Variants in GABRB3 observed in about 807,000 individuals in gnomAD.
The protein encoded by GABRB3 is gamma-aminobutyric acid type A receptor subunit beta3.
In GABRB3, 14 loss-of-function variants were observed where a neutral mutation model predicts 52.1. The observed-to-expected ratio is 0.27, with a 90% CI of 0.18 to 0.42. GABRB3 has a LOEUF of 0.42. Ranked by LOEUF, GABRB3 falls within the 10% of genes least tolerant of loss-of-function variation. The pLI is 1.00. For missense variants in GABRB3, 307 were observed against 609.1 expected (o/e 0.50, Z 5.22); for synonymous variants, 260 against 232.3 (o/e 1.12, Z -1.08).
intron 3 of GABRB3, among the ~76,000 whole-genome samples, chr15:26,749,563 T>A (rs1219514048): frequency 6.6e-6 from 1 of 152,198 alleles, no homozygotes. Context: ...TTGGTTCTTC[T>A]GTATGTTGGG....
rs142254265 is a variant in GABRB3 at position 26,752,673 on chromosome 15, G to A, written c.240+19729C>T. On this transcript the variant is annotated intron_variant, in intron 3 of 8. Coordinates refer to ENST00000311550, the MANE Select transcript of GABRB3 (RefSeq NM_000814.6). ...TTGATGTGTCTACACGTTGTGGAAT[G>A]GTATAATCAAGCGAATGAATATATC... Among the ~76,000 whole-genome samples the A allele has an allele frequency of 6.2e-3, 950 of 152,172 alleles. 10 individuals are homozygous for A. Among genetic ancestry groups the A allele is most frequent in the African/African-American group, 0.021 (861 of 41,532 alleles).
At chr15:26,641,952 C>A (rs11638494) in intron 3 of GABRB3, among the ~76,000 whole-genome samples, 43,518 of 151,458 alleles carry the variant, frequency 0.29, 7,394 homozygotes, top group Middle Eastern at 0.44. Flanking sequence ...TGCAGTGACT[C>A]GATCATAGCT....
At chr15:26,594,225 T>C (rs1216782337) in intron 4 of GABRB3, among the ~76,000 whole-genome samples, 1 of 151,776 alleles carries the variant, frequency 6.6e-6, no homozygotes, top group East Asian at 2.0e-4. Context: ...GCCAATTTAT[T>C]TTGTTCCTTT....
intron 3 of GABRB3, among the ~76,000 whole-genome samples, chr15:26,730,005 T>C (rs1341630275): frequency 6.6e-6 from 1 of 152,218 alleles, no homozygotes; most frequent in Non-Finnish European, 1.5e-5. Flanking sequence ...AAATGAATGC[T>C]GAACTCATAA....
chr15:26,628,733 C>T (rs1255149358), intron 3 of GABRB3, among the ~76,000 whole-genome samples: 1 of 152,158 alleles, frequency 6.6e-6, no homozygotes, highest in African/African-American at 2.4e-5. Context: ...ACCAGCGCCA[C>T]AGGGCTAGGC....
In GABRB3 at chr15:26,602,568, T is replaced by A. The variant is rs1266867248; in HGVS notation, c.461+18746A>T. ...CTGAAATAATACCAAGCATCTTCTG[T>A]GACCACAACAGAATAAAACTACGAA... is the stretch of plus-strand genomic sequence containing the variant. On this transcript the variant is annotated intron_variant, in intron 4 of 8. Transcript: ENST00000311550. Among the ~76,000 whole-genome samples the A allele has an allele frequency of 4.6e-5, 7 of 152,076 alleles. 1 individual carries two copies. The highest frequency in any genetic ancestry group is 7.4e-5 in the Non-Finnish European group (5 of 67,960).
chr15:26,547,722 A>G lies in GABRB3; in HGVS notation c.*71T>C. ...TGTGTGTCTGTGTGTGTACAGGTAT[A>G]AAAACTTGACAGGCAGAGTAATATT... On this transcript the variant is annotated 3_prime_UTR_variant, in exon 9 of 9. Transcript: ENST00000311550. The G allele has an allele frequency of 7.9e-7, 1 of 1,268,378 alleles. No individual in the cohort carries two copies. The highest frequency in any genetic ancestry group is 1.1e-6 in the Non-Finnish European group (1 of 871,146). The allele number at this position is 1,268,378 out of a possible 1,614,324, so 78.6% of individuals were successfully genotyped here. A position where few individuals can be genotyped will look rare whatever the true frequency, so the allele number is the denominator to read the frequency against.
rs867679278 is a variant in GABRB3 at position 26,772,887 on chromosome 15, G to T, written c.76C>A (p.Gln26Lys). The T allele has an allele frequency of 6.7e-7, 1 of 1,485,996 alleles. No homozygotes were observed. The highest frequency in any genetic ancestry group is 2.9e-5 in the East Asian group (1 of 33,988). 92.1% of individuals were successfully genotyped at this position (1,485,996 alleles called of 1,614,324 possible). ...PVLVAVVCCA[Q>K]SVNDPGNMSF... ...CCGGCCCACCCGCGACCCTACCTCTGGGCGCAGCACACCACAGCCACCAGC... is the reference window on the plus strand; with the variant it reads ...CCGGCCCACCCGCGACCCTACCTCTTGGCGCAGCACACCACAGCCACCAGC... The change falls in exon 1 of 9, where the codon CAG becomes AAG. Residue 26 changes from glutamine (Q) to lysine (K), a missense_variant. Physicochemically the swap from Gln to Lys is moderately conservative, Grantham distance 53. Transcript: ENST00000311550.
intron 3 of GABRB3, among the ~76,000 whole-genome samples, chr15:26,693,705 G>GAGAC (rs1555376773): frequency 6.6e-6 from 1 of 152,036 alleles, no homozygotes; most frequent in African/African-American, 2.4e-5. Flanking sequence ...GAGAGAGAGA[G>GAGAC]AGATAGATAC....
At chr15:26,655,181 T>C (rs1224323038) in intron 3 of GABRB3, among the ~76,000 whole-genome samples, 1 of 152,212 alleles carries the variant, frequency 6.6e-6, no homozygotes, top group Non-Finnish European at 1.5e-5. Context: ...GAGATCATGC[T>C]TATATTGAAT....
At chr15:26,759,655 G>GCACT (rs1330089118) in intron 3 of GABRB3, among the ~76,000 whole-genome samples, 1 of 152,222 alleles carries the variant, frequency 6.6e-6, no homozygotes. Flanking sequence ...GCCGAGTGCA[G>GCACT]CACTGCAGAC....
chr15:26,756,149 G>T (rs1373270161), intron 3 of GABRB3, among the ~76,000 whole-genome samples: 1 of 152,018 alleles, frequency 6.6e-6, no homozygotes, highest in Non-Finnish European at 1.5e-5. Flanking sequence ...TTTTCTTCAT[G>T]ACAACTTTTT....
Position 26,732,689 on chromosome 15 carries a change from C to T in GABRB3, c.240+39713G>A, listed in dbSNP as rs138942635. Among the ~76,000 whole-genome samples the T allele has an allele frequency of 5.8e-3, 884 of 152,028 alleles. 5 individuals carry two copies. Among genetic ancestry groups the T allele is most frequent in the Non-Finnish European group, 9.7e-3 (662 of 67,956 alleles). ...TACAAGCAATTCCCCTGCCTCAGCC[C>T]GCTGAGTAGCTGGGATAACAGGCAC... is the stretch of plus-strand genomic sequence containing the variant. On this transcript the variant is annotated intron_variant, in intron 3 of 8. Transcript: ENST00000311550.
At chr15:26,709,515 CTTTTTT>C (rs57044167) in intron 3 of GABRB3, among the ~76,000 whole-genome samples, 1 of 92,002 alleles carries the variant, frequency 1.1e-5, no homozygotes, top group Non-Finnish European at 2.1e-5. Context: ...TTTTTTCTTT[CTTTTTT>C]TTTTTTTTTT....
chr15:26,667,710 G>A (rs915055832), intron 3 of GABRB3, among the ~76,000 whole-genome samples: 1 of 152,170 alleles, frequency 6.6e-6, no homozygotes, highest in African/African-American at 2.4e-5. Flanking sequence ...GGCAGTATCA[G>A]CGTCACCTGG....
chr15:26,684,761 T>C (rs1888349290), intron 3 of GABRB3, among the ~76,000 whole-genome samples: 1 of 152,128 alleles, frequency 6.6e-6, no homozygotes, highest in Non-Finnish European at 1.5e-5. Flanking sequence ...CACACAACAC[T>C]GATGGATTCA....
intron 3 of GABRB3, among the ~76,000 whole-genome samples, chr15:26,674,058 A>ACCC (rs142566290): frequency 3.4e-5 from 5 of 147,048 alleles, no homozygotes; most frequent in African/African-American, 1.3e-4. Context: ...CACATATTTA[A>ACCC]CCCCCCCCTT....
chr15:26,607,692 G>GA (rs1231188004), intron 4 of GABRB3, among the ~76,000 whole-genome samples: 2 of 151,680 alleles, frequency 1.3e-5, no homozygotes, highest in African/African-American at 4.8e-5. Context: ...TAAACTATCT[G>GA]AAAAAAATAA....
intron 3 of GABRB3, among the ~76,000 whole-genome samples, chr15:26,727,789 C>G (rs1256925750): frequency 6.6e-6 from 1 of 152,218 alleles, no homozygotes; most frequent in Non-Finnish European, 1.5e-5. Flanking sequence ...ACCAATACCA[C>G]TGATTCCAAT....
Sources: allele counts gnomAD v4.1 joint callset (sites outside exome capture counted in the v4.1 genomes callset), GRCh38; gene constraint gnomAD v4.1.1; transcripts MANE v1.5; gene names NCBI Gene and HGNC (gene_info 2026-07-23, HGNC 2026-07-21).